CERS4: variants seen among roughly 807,000 people sequenced by gnomAD.
CERS4 encodes ceramide synthase 4.
CERS4 carries 65 observed loss-of-function variants against 51.8 expected under a neutral mutation model. The ratio of observed to expected loss-of-function variants is 1.26; its 90% confidence interval spans 1.03 to 1.54. The LOEUF (loss-of-function observed/expected upper bound fraction) is 1.54, where lower values mean the gene tolerates loss of function less well. Among genes scored for constraint, CERS4 ranks in the 40% most tolerant of loss-of-function variants. CERS4 has a pLI of 0.00. For missense variants in CERS4, 563 were observed against 500.4 expected (o/e 1.13, Z -1.19); for synonymous variants, 228 against 208.4 (o/e 1.09, Z -0.81).
At chr19:8,217,737 C>T (rs1446680998) in intron 2 of CERS4, among the ~76,000 whole-genome samples, 2 of 152,030 alleles carry the variant, frequency 1.3e-5, no homozygotes, top group Non-Finnish European at 2.9e-5. Context: ...CGGGGTTTCA[C>T]CCTGTTAGCC....
At position 8,231,997 on chromosome 19, in the gene CERS4, C is replaced by CT. The variant is rs568613532; in HGVS notation, c.-1-19067dup. ...CATGTACCACCTCACCCAGCTTTTT[C>CT]TTTTTTTTTTTTGGTAGAGACAGGG... On this transcript the variant is annotated intron_variant, in intron 2 of 11. Coordinates refer to ENST00000251363, the MANE Select transcript of CERS4 (RefSeq NM_024552.3). 5.6e-3 allele frequency among the ~76,000 whole-genome samples: 783 copies of CT among 138,682 alleles called. 17 individuals are homozygous for CT. The highest frequency in any genetic ancestry group is 0.034 in the Admixed American group (456 of 13,544). The allele number at this position is 138,682 out of a possible 152,430, so 91.0% of individuals were successfully genotyped here.
intron 8 of CERS4, 57 bp from the exon 9 acceptor site, chr19:8,256,892 G>A: frequency 6.2e-7 from 1 of 1,612,710 alleles, no homozygotes; most frequent in Non-Finnish European, 8.5e-7. Context: ...GGCCCATAGG[G>A]TGGGGGACCT....
chr19:8,247,111 A>G (rs1204256062), intron 2 of CERS4, among the ~76,000 whole-genome samples: 1 of 152,236 alleles, frequency 6.6e-6, no homozygotes. Flanking sequence ...GGTTGCAGTG[A>G]GCTGAGATCG....
At chr19:8,217,288 A>G (rs886925210) in intron 2 of CERS4, among the ~76,000 whole-genome samples, 6 of 152,060 alleles carry the variant, frequency 3.9e-5, no homozygotes, top group African/African-American at 1.4e-4. Flanking sequence ...GGGGAGACAG[A>G]CGTGTCTTTG....
chr19:8,255,532 C>G, intron 4 of CERS4, 75 bp from the exon 5 acceptor site: 1 of 1,333,640 alleles, frequency 7.5e-7, no homozygotes, highest in South Asian at 1.3e-5. Flanking sequence ...AGGGCAGAGC[C>G]AAGTCCTGTC....
chr19:8,221,851 C>T (rs1967557061), intron 2 of CERS4, among the ~76,000 whole-genome samples: 1 of 133,326 alleles, frequency 7.5e-6, no homozygotes, highest in Non-Finnish European at 1.6e-5. Context: ...TATTTACTTA[C>T]TGACTTATTT....
At chr19:8,250,212 T>G (rs1392600798) in intron 2 of CERS4, among the ~76,000 whole-genome samples, 1 of 152,008 alleles carries the variant, frequency 6.6e-6, no homozygotes, top group Admixed American at 6.6e-5. Context: ...TGACCTGAAG[T>G]GATCTGCCCA....
chr19:8,216,600 A>G (rs1176208406), intron 2 of CERS4, among the ~76,000 whole-genome samples: 1 of 151,798 alleles, frequency 6.6e-6, no homozygotes, highest in Non-Finnish European at 1.5e-5. Flanking sequence ...ACATAGCAAG[A>G]CCCCATTTCT....
chr19:8,249,775 G>C (rs1968982038), intron 2 of CERS4, among the ~76,000 whole-genome samples: 1 of 150,876 alleles, frequency 6.6e-6, no homozygotes, highest in Non-Finnish European at 1.5e-5. Context: ...ATTTTTAGTA[G>C]AGACAGGGTT....
chr19:8,230,104 T>A (rs1464527634), intron 2 of CERS4, among the ~76,000 whole-genome samples: 2 of 152,218 alleles, frequency 1.3e-5, no homozygotes, highest in African/African-American at 4.8e-5. Context: ...TGTTCTTTCT[T>A]ATTTTTTCAA....
rs557248079 is a variant in CERS4, at chr19:8,224,676, G to A, written c.-2+13814G>A. On this transcript the variant is annotated intron_variant, in intron 2 of 11. Coordinates refer to ENST00000251363, the MANE Select transcript of CERS4 (RefSeq NM_024552.3). ...GAGCACTTGCAGGATTCAAAGCTGC[G>A]GGTCTGATTTGCAGGCAAGAAGAAA... 7.9e-5 allele frequency among the ~76,000 whole-genome samples: 12 copies of A among 152,290 alleles called. No homozygotes were observed. In the South Asian group the frequency reaches 8.3e-4, roughly 11 times the overall value.
intron 2 of CERS4, among the ~76,000 whole-genome samples, 199 bp downstream of exon 2, chr19:8,211,061 C>G (rs936568623): frequency 3.3e-5 from 5 of 151,776 alleles, no homozygotes; most frequent in African/African-American, 1.2e-4. Context: ...CCTAAGGAAC[C>G]GGAGAGGGTT....
intron 2 of CERS4, among the ~76,000 whole-genome samples, chr19:8,232,466 A>G (rs1232541820): frequency 6.6e-6 from 1 of 151,412 alleles, no homozygotes; most frequent in African/African-American, 2.4e-5. Context: ...ATTTTTTTGT[A>G]TTTTTAGTAG....
At chr19:8,259,317 T>C (rs559990866) in intron 10 of CERS4, among the ~76,000 whole-genome samples, 115 of 151,948 alleles carry the variant, frequency 7.6e-4, no homozygotes, top group Non-Finnish European at 1.5e-3. Flanking sequence ...GCAAAGGGCC[T>C]GAGGCAAGAC....
At position 8,261,768 on chromosome 19, in the gene CERS4, T is replaced by A; in HGVS notation, c.929T>A (p.Met310Lys). 4 of 1,614,204 alleles carry A rather than the reference T, an allele frequency of 2.5e-6. No homozygotes were observed. The South Asian group carries it at 4.4e-5, about 18-fold the overall frequency. Residue 310 changes from methionine (M) to lysine (K), a missense_variant, in exon 11 of 12, where the codon ATG becomes AAG. Coordinates refer to ENST00000251363, the MANE Select transcript of CERS4 (RefSeq NM_024552.3). ...TACTACTTCTTCAACGGGCTTCTGA[T>A]GTTGCTGCAGCTGCTGCACGTGTTC... ...FGYYFFNGLL[M>K]LLQLLHVFWS...
In CERS4 at chr19:8,254,595, G is replaced by A. The variant is rs572479274; in HGVS notation, c.270G>A (p.Thr90=). 87 of 1,610,736 alleles carry A rather than the reference G, an allele frequency of 5.4e-5. No homozygotes were observed. Among genetic ancestry groups the A allele is most frequent in the South Asian group, 3.8e-4 (34 of 90,456 alleles). The change falls in exon 4 of 12, where the codon ACG becomes ACA. Residue 90 remains threonine, a synonymous_variant. Coordinates refer to ENST00000251363, the MANE Select transcript of CERS4 (RefSeq NM_024552.3). ...PNATLEKHFL[T]EGHRPKEPQL... Reference sequence around the variant, plus strand: ...CCACGCTGGAGAAACACTTCCTCACGGAAGGGCACAGGCCCAAGGAGGTGA... The same window carrying A: ...CCACGCTGGAGAAACACTTCCTCACAGAAGGGCACAGGCCCAAGGAGGTGA...
At chr19:8,209,959 G>A (rs1432782989) in intron 1 of CERS4, 1 of 152,522 alleles carries the variant, frequency 6.6e-6, no homozygotes, top group African/African-American at 2.4e-5. Context: ...GTGAGGTGGA[G>A]GTGCCCAGGC....
chr19:8,247,035 G>A (rs1382213909), intron 2 of CERS4, among the ~76,000 whole-genome samples: 4 of 152,054 alleles, frequency 2.6e-5, no homozygotes, highest in Non-Finnish European at 4.4e-5. Context: ...GCATGGTGGC[G>A]CATGCCTGTA....
intron 2 of CERS4, among the ~76,000 whole-genome samples, chr19:8,221,982 C>T (rs575298734): frequency 1.9e-4 from 24 of 126,950 alleles, no homozygotes; most frequent in Middle Eastern, 5.3e-3. Context: ...CCCGGGTTCA[C>T]GCCATTCTCC....
Sources: gnomAD v4.1 joint callset for allele counts (sites outside exome capture counted in the v4.1 genomes callset) on GRCh38, gnomAD v4.1.1 for gene constraint, MANE v1.5 for transcripts, NCBI Gene and HGNC (gene_info 2026-07-23, HGNC 2026-07-21) for gene names.